QTMAN: variants seen among roughly 807,000 people sequenced by gnomAD.
The protein encoded by QTMAN is queuosine-tRNA mannosyltransferase.
At chr2:143,958,543 T>C in the QTMAN span, among the ~76,000 whole-genome samples, 12 of 152,180 alleles carry the variant, frequency 7.9e-5, no homozygotes, top group African/African-American at 2.9e-4. Flanking sequence ...AGTGCAGTCA[T>C]CTATAGTGTA....
the QTMAN span, among the ~76,000 whole-genome samples, chr2:144,018,979 T>C: frequency 3.3e-5 from 5 of 152,114 alleles, no homozygotes; most frequent in South Asian, 1.0e-3. Context: ...AGTAACAGCA[T>C]GTGCATAAAG....
At chr2:144,309,182 AC>A in the QTMAN span, among the ~76,000 whole-genome samples, 3 of 152,230 alleles carry the variant, frequency 2.0e-5, no homozygotes, top group Non-Finnish European at 2.9e-5. Flanking sequence ...TGATACAATC[AC>A]TGAAGAAAAT....
the QTMAN span, among the ~76,000 whole-genome samples, chr2:144,259,360 T>C: frequency 3.4e-4 from 52 of 152,274 alleles, 1 homozygote; most frequent in East Asian, 7.1e-3. Context: ...GGTTTCATCA[T>C]GTTAGCCAGG....
At chr2:143,964,443 CCA>C in the QTMAN span, among the ~76,000 whole-genome samples, 1 of 152,118 alleles carries the variant, frequency 6.6e-6, no homozygotes, top group South Asian at 2.1e-4. Flanking sequence ...TCTCTCTCTG[CCA>C]CTGTGCCTGG....
chr2:144,106,670 C>G, the QTMAN span, among the ~76,000 whole-genome samples: 2 of 152,150 alleles, frequency 1.3e-5, no homozygotes, highest in Admixed American at 6.5e-5. Context: ...GACATTAACA[C>G]CCCACTGTCA....
At chr2:144,240,861 C>T in the QTMAN span, among the ~76,000 whole-genome samples, 1 of 152,210 alleles carries the variant, frequency 6.6e-6, no homozygotes, top group African/African-American at 2.4e-5. Context: ...GGTGCAGGGT[C>T]AGCTGCTTCA....
the QTMAN span, among the ~76,000 whole-genome samples, chr2:144,283,263 C>T: frequency 1.3e-5 from 2 of 152,120 alleles, no homozygotes; most frequent in Non-Finnish European, 1.5e-5. Context: ...TCTTAACCTG[C>T]AGGATCTGTC....
At chr2:144,329,959 C>T in the QTMAN span, among the ~76,000 whole-genome samples, 1 of 152,284 alleles carries the variant, frequency 6.6e-6, no homozygotes, top group Non-Finnish European at 1.5e-5. Flanking sequence ...CAGGAAAGTG[C>T]GCACAGGCCA....
chr2:143,970,738 G>A, the QTMAN span: 5 of 1,590,428 alleles, frequency 3.1e-6, no homozygotes, highest in South Asian at 5.5e-5. Flanking sequence ...CCTTAAAAAA[G>A]CTTTCTGGAT....
chr2:144,232,728 T>G, the QTMAN span, among the ~76,000 whole-genome samples: 1 of 152,172 alleles, frequency 6.6e-6, no homozygotes, highest in Non-Finnish European at 1.5e-5. Flanking sequence ...CACCTGAAAG[T>G]AAATCATTTG....
the QTMAN span, among the ~76,000 whole-genome samples, chr2:144,012,848 T>G: frequency 3.3e-5 from 5 of 152,040 alleles, no homozygotes; most frequent in African/African-American, 7.2e-5. Flanking sequence ...TATTCCATAT[T>G]TGAGCCAGTG....
At chr2:143,947,453 C>T in the QTMAN span, among the ~76,000 whole-genome samples, 2 of 152,000 alleles carry the variant, frequency 1.3e-5, no homozygotes, top group South Asian at 2.1e-4. Context: ...AGTTCATCAT[C>T]CAACTTTTAA....
At chr2:144,163,843 G>A in the QTMAN span, among the ~76,000 whole-genome samples, 1 of 152,208 alleles carries the variant, frequency 6.6e-6, no homozygotes, top group Non-Finnish European at 1.5e-5. Flanking sequence ...TATGAAGGCA[G>A]ACTACCCAGG....
At chr2:144,284,522 C>T in the QTMAN span, among the ~76,000 whole-genome samples, 2 of 151,914 alleles carry the variant, frequency 1.3e-5, no homozygotes, top group Non-Finnish European at 2.9e-5. Flanking sequence ...AACAGTCTGC[C>T]TCTGAGTAAT....
the QTMAN span, among the ~76,000 whole-genome samples, chr2:144,324,884 G>A: frequency 8.0e-5 from 12 of 149,574 alleles, no homozygotes; most frequent in Middle Eastern, 3.6e-3. Context: ...GAAGACAAAC[G>A]TCATCACACC....
chr2:144,136,881 T>G, the QTMAN span, among the ~76,000 whole-genome samples: 6 of 152,296 alleles, frequency 3.9e-5, no homozygotes, highest in Middle Eastern at 3.4e-3. Context: ...CTTCTGGTAT[T>G]AATATTACAA....
At chr2:143,949,758 T>C in the QTMAN span, among the ~76,000 whole-genome samples, 1 of 151,908 alleles carries the variant, frequency 6.6e-6, no homozygotes, top group Admixed American at 6.6e-5. Flanking sequence ...AAATGTTACC[T>C]GAAAATGTGT....
chr2:144,295,497 T>C, the QTMAN span, among the ~76,000 whole-genome samples: 1 of 152,186 alleles, frequency 6.6e-6, no homozygotes, highest in Non-Finnish European at 1.5e-5. Flanking sequence ...AAACTGAACA[T>C]GTCAACTTGC....
the QTMAN span, among the ~76,000 whole-genome samples, chr2:144,268,859 G>A: frequency 0.036 from 5,406 of 151,862 alleles, 141 homozygotes; most frequent in Middle Eastern, 0.054. Context: ...GCACGATCTC[G>A]GCTCACTGCA....
Sources: allele counts gnomAD v4.1 joint callset (sites outside exome capture counted in the v4.1 genomes callset), GRCh38; gene constraint gnomAD v4.1.1; transcripts MANE v1.5; gene names NCBI Gene and HGNC (gene_info 2026-07-23, HGNC 2026-07-21).